RNF34: variants seen among roughly 807,000 people sequenced by gnomAD.
RNF34 encodes ring finger protein 34.
In RNF34, 12 loss-of-function variants were observed where a neutral mutation model predicts 37.9. The observed-to-expected ratio is 0.32, with a 90% CI of 0.20 to 0.51. RNF34 has a LOEUF of 0.51. Ranked by LOEUF, RNF34 falls within the 20% of genes least tolerant of loss-of-function variation. RNF34 has a pLI of 0.97. For synonymous variants in RNF34, 155 were observed against 177.2 expected, an observed-to-expected ratio of 0.87 and a Z score of 1.00; for missense variants, 362 against 472.7, an observed-to-expected ratio of 0.77 and a Z score of 2.17.
At chr12:121,406,945 T>C (rs1285353732) in intron 1 of RNF34, among the ~76,000 whole-genome samples, 1 of 152,156 alleles carries the variant, frequency 6.6e-6, no homozygotes, top group Non-Finnish European at 1.5e-5. Context: ...GATTTGGGGG[T>C]ACACGTACAG....
chr12:121,405,509 G>C (rs1420868685), intron 1 of RNF34, among the ~76,000 whole-genome samples: 4 of 151,962 alleles, frequency 2.6e-5, no homozygotes, highest in African/African-American at 9.7e-5. Flanking sequence ...TTTGAGACAG[G>C]GTCTTGCTCT....
chr12:121,419,394 A>G (rs1871889149), intron 3 of RNF34, among the ~76,000 whole-genome samples: 1 of 152,244 alleles, frequency 6.6e-6, no homozygotes, highest in Non-Finnish European at 1.5e-5. Context: ...GTCGTCAAGC[A>G]ACACATACTG....
chr12:121,423,347 T>C lies in RNF34; in HGVS notation c.929-39T>C, dbSNP rs1555283744. On this transcript the variant is annotated intron_variant, in intron 5 of 5. Coordinates refer to ENST00000361234, the MANE Select transcript of RNF34 (RefSeq NM_025126.4). This position sits in a 1 kb window ranked among gnomAD's most constrained non-coding sequence, Gnocchi z 4.3. ...GGGAGGGTGGCTGGCTGACTGGCCA[T>C]GCCTGAAGCCGAGGCCTTAGCTCTC... 2 of 1,521,906 alleles carry C rather than the reference T, an allele frequency of 1.3e-6. No homozygotes were observed. Among genetic ancestry groups the C allele is most frequent in the Non-Finnish European group, 8.9e-7 (1 of 1,124,740 alleles). The allele number at this position is 1,521,906 out of a possible 1,614,324, so 94.3% of individuals were successfully genotyped here. A position where few individuals can be genotyped will look rare whatever the true frequency, so the allele number is the denominator to read the frequency against.
At chr12:121,404,701 G>A (rs1415259506) in intron 1 of RNF34, 2 of 152,080 alleles carry the variant, frequency 1.3e-5, no homozygotes, top group African/African-American at 4.8e-5. Flanking sequence ...AATCTTCATG[G>A]AAACTACCAT....
intron 1 of RNF34, chr12:121,402,783 AAAC>A: frequency 1.2e-6 from 2 of 1,609,368 alleles, no homozygotes; most frequent in East Asian, 2.2e-5. Context: ...TGTTAAAAGA[AAAC>A]AAAAACCCAA....
rs782204217 is a variant in RNF34, at chr12:121,417,919, G to T, written c.633+8G>T. 1 of 1,610,752 alleles carries T rather than the reference G, an allele frequency of 6.2e-7. No individual in the cohort carries two copies. The highest frequency in any genetic ancestry group is 1.1e-5 in the South Asian group (1 of 90,800). On this transcript the variant is annotated splice_region_variant and intron_variant, in intron 3 of 5. Transcript: ENST00000361234. This position sits in a 1 kb window ranked among gnomAD's most constrained non-coding sequence, Gnocchi z 5.0. Reference sequence around the variant, plus strand: ...TCTGGAGTGCCGGCACAGGTACGAGGGGGTAACTAATTACACCCAGGGCCC... The same window carrying T: ...TCTGGAGTGCCGGCACAGGTACGAGTGGGTAACTAATTACACCCAGGGCCC...
Position 121,410,265 on chromosome 12 carries a change from G to A in RNF34, c.7-5894G>A, listed in dbSNP as rs970945901. The stretch of plus-strand genomic sequence containing the variant: ...TTCAAATATGCTGCATGGGGCTGGC[G>A]TGGTGGCTCATGCCTGTAATCCCAG... On this transcript the variant is annotated intron_variant, in intron 1 of 5. Transcript: ENST00000361234. 3.9e-5 allele frequency among the ~76,000 whole-genome samples: 6 copies of A among 151,982 alleles called. No individual in the cohort carries two copies. The South Asian group carries it at 6.2e-4, about 16-fold the overall frequency.
At chr12:121,420,929 G>A (rs192923920) in intron 5 of RNF34, 151 bp downstream of exon 5, 1 of 633,670 alleles carries the variant, frequency 1.6e-6, no homozygotes, top group Admixed American at 2.8e-5. Context: ...CCTGTTTATA[G>A]ATCTGGAAAG....
intron 1 of RNF34, 131 bp downstream of exon 1, chr12:121,400,349 C>A: frequency 2.6e-6 from 3 of 1,141,752 alleles, no homozygotes; most frequent in South Asian, 1.5e-5. Flanking sequence ...TGAGGGGGGT[C>A]GCTTGCCCGG....
chr12:121,416,521 ATACT>A, intron 2 of RNF34, 144 bp downstream of exon 2: 1 of 631,570 alleles, frequency 1.6e-6, no homozygotes, highest in South Asian at 2.0e-5. Context: ...ATCTAGAAAA[ATACT>A]TAATTGGAGG....
chr12:121,400,147 A>T lies in RNF34; in HGVS notation c.-66A>T, dbSNP rs1344861546. 4.4e-6 allele frequency: 7 copies of T among 1,576,618 alleles called. No homozygotes were observed. In the East Asian group the frequency reaches 1.4e-4, roughly 31 times the overall value. ...ACCGCCCAGAGGGAAGGAGGTCGGCAGTGTGAGGAGCTGCTATGGTGCTGA... is the reference window on the plus strand; with the variant it reads ...ACCGCCCAGAGGGAAGGAGGTCGGCTGTGTGAGGAGCTGCTATGGTGCTGA... On this transcript the variant is annotated 5_prime_UTR_variant, in exon 1 of 6. Transcript: ENST00000361234.
At chr12:121,413,415 CTTTT>C (rs573738844) in intron 1 of RNF34, among the ~76,000 whole-genome samples, 1 of 130,694 alleles carries the variant, frequency 7.7e-6, no homozygotes, top group African/African-American at 3.2e-5. Context: ...TTTACCTGTC[CTTTT>C]TTTTTTTTTT....
At chr12:121,412,430 A>T (rs1555281476) in intron 1 of RNF34, among the ~76,000 whole-genome samples, 2 of 151,094 alleles carry the variant, frequency 1.3e-5, no homozygotes, top group African/African-American at 4.9e-5. Context: ...TTTTTAGTAG[A>T]GATGGGGTTT....
chr12:121,410,031 T>C (rs1407961213), intron 1 of RNF34, among the ~76,000 whole-genome samples: 3 of 151,944 alleles, frequency 2.0e-5, no homozygotes, highest in Admixed American at 6.6e-5. Context: ...GGCAGATGCC[T>C]GTAATCCCAG....
intron 3 of RNF34, among the ~76,000 whole-genome samples, chr12:121,419,149 A>G (rs1048743538): frequency 2.0e-5 from 3 of 152,200 alleles, no homozygotes; most frequent in Admixed American, 1.3e-4. Context: ...TTATAATACC[A>G]TATTTTTATT....
intron 3 of RNF34, chr12:121,418,132 A>G (rs1438340797): frequency 7.2e-6 from 4 of 552,736 alleles, no homozygotes; most frequent in Non-Finnish European, 1.3e-5. Context: ...GGGTCCCAAA[A>G]TAGCTCATCA....
rs565340310 is a variant in RNF34 at position 121,417,646 on chromosome 12, T to C, written c.368T>C (p.Leu123Pro). The C allele has an allele frequency of 6.2e-7, 1 of 1,614,186 alleles. No individual in the cohort carries two copies. The highest frequency in any genetic ancestry group is 8.5e-7 in the Non-Finnish European group (1 of 1,180,030). Residue 123 changes from leucine (L) to proline (P), a missense_variant, in exon 3 of 6, where the codon CTG becomes CCG. Physicochemically the swap from Leu to Pro is moderately conservative, Grantham distance 98. Transcript: ENST00000361234. This position sits in a 1 kb window ranked among gnomAD's most constrained non-coding sequence, Gnocchi z 5.0. ...TTAATGCGACTGAAGGTGAAGGACC[T>C]GCGGCAGTATCTCATTCTGAGAAAT... is the stretch of plus-strand genomic sequence containing the variant. ...PQLMRLKVKD[L>P]RQYLILRNIP...
At position 121,424,273 on chromosome 12, in the gene RNF34, T is replaced by G. The variant is rs1825362909; in HGVS notation, c.*697T>G. 1 of 152,678 alleles carries G rather than the reference T, an allele frequency of 6.5e-6. No individual in the cohort carries two copies. The highest frequency in any genetic ancestry group is 6.5e-5 in the Admixed American group (1 of 15,282). 9.5% of individuals were successfully genotyped at this position (152,678 alleles called of 1,614,324 possible). ...TAATGTGTAATCAGTTTACATTGTT[T>G]TGTATAGTGAAGGTGTATTTTCAGT... is the stretch of plus-strand genomic sequence containing the variant. On this transcript the variant is annotated 3_prime_UTR_variant, in exon 6 of 6. Coordinates refer to ENST00000361234, the MANE Select transcript of RNF34 (RefSeq NM_025126.4).
At chr12:121,419,710 T>C (rs528070903) in intron 3 of RNF34, among the ~76,000 whole-genome samples, 155 of 152,298 alleles carry the variant, frequency 1.0e-3, no homozygotes, top group African/African-American at 3.6e-3. Context: ...AGTGTTCTGA[T>C]TGAGAAATTT....
Sources: gnomAD v4.1 joint callset for allele counts (sites outside exome capture counted in the v4.1 genomes callset) on GRCh38, gnomAD v4.1.1 for gene constraint, Gnocchi (gnomAD v3.1) non-coding constraint, MANE v1.5 for transcripts, NCBI Gene and HGNC (gene_info 2026-07-23, HGNC 2026-07-21) for gene names.